The following MPP2 variants were observed in gnomAD, a reference collection of about 807,000 sequenced individuals.
The protein encoded by MPP2 is MAGUK p55 scaffold protein 2.
MPP2 carries 42 observed loss-of-function variants against 58.5 expected under a neutral mutation model. The observed-to-expected ratio is 0.72, with a 90% confidence interval of 0.56 to 0.93. The LOEUF (loss-of-function observed/expected upper bound fraction) is 0.93, where lower values mean the gene tolerates loss of function less well. Among genes scored for constraint, MPP2 ranks in the 40% least tolerant of loss-of-function variants. MPP2 has a pLI of 0.00. For synonymous variants in MPP2, 300 were observed against 307.8 expected (o/e 0.97, Z 0.26); for missense variants, 632 against 760.4 (o/e 0.83, Z 1.99).
intron 2 of MPP2, chr17:43,900,674 C>G (rs1449280351): frequency 2.8e-6 from 4 of 1,412,352 alleles, no homozygotes; most frequent in Non-Finnish European, 3.7e-6. Flanking sequence ...GAGGAACCAG[C>G]CAATGGGAAG....
intron 2 of MPP2, chr17:43,900,691 C>A: frequency 7.3e-7 from 1 of 1,375,044 alleles, no homozygotes; most frequent in Non-Finnish European, 9.5e-7. Context: ...GAAGGCTCAG[C>A]CGCCGTGACC....
chr17:43,886,339 C>T (rs2047369445), intron 3 of MPP2, among the ~76,000 whole-genome samples: 1 of 151,538 alleles, frequency 6.6e-6, no homozygotes. Context: ...GGATGGAGTG[C>T]AGTGGCGCGA....
chr17:43,886,815 G>A (rs915531448), intron 3 of MPP2, among the ~76,000 whole-genome samples: 1 of 152,138 alleles, frequency 6.6e-6, no homozygotes, highest in Admixed American at 6.5e-5. Context: ...TGCTTATTAT[G>A]AGTAAAGTCA....
At position 43,881,519 on chromosome 17, in the gene MPP2, A is replaced by C. The variant is rs757103925; in HGVS notation, c.752T>G (p.Leu251Arg). The C allele has an allele frequency of 3.7e-6, 6 of 1,614,010 alleles. No individual in the cohort carries two copies. Among genetic ancestry groups the C allele is most frequent in the Non-Finnish European group, 5.1e-6 (6 of 1,179,982 alleles). Residue 251 changes from leucine (L) to arginine (R), a missense_variant, in exon 7 of 13, where the codon CTG (leucine) becomes CGG (arginine). Coordinates refer to ENST00000269095, the MANE Select transcript of MPP2 (RefSeq NM_005374.5). ...GAGCAAGTCCCCGGCGTTGAAGCGC[A>C]GGCCTGCTTCCTTGCAGGGGATGAG... ...DSLIPCKEAG[L>R]RFNAGDLLQI...
At chr17:43,908,102 G>A (rs574832432), upstream of MPP2, among the ~76,000 whole-genome samples, 1 of 152,296 alleles carries the variant, frequency 6.6e-6, no homozygotes, top group South Asian at 2.1e-4. Flanking sequence ...AAGGATTCGA[G>A]AGCCTCTTTT....
chr17:43,903,524 G>A (rs1021815301), intron 2 of MPP2, among the ~76,000 whole-genome samples: 2 of 150,702 alleles, frequency 1.3e-5, no homozygotes, highest in Non-Finnish European at 3.0e-5. Context: ...TTGTCTTTAC[G>A]AAAAATACAA....
Position 43,881,506 on chromosome 17 carries a change from G to A in MPP2, c.765C>T (p.Ala255=), listed in dbSNP as rs76420928. 40 of 1,614,054 alleles carry A rather than the reference G, an allele frequency of 2.5e-5. No individual in the cohort carries two copies. In the East Asian group the frequency reaches 3.3e-4, roughly 13 times the overall value. Reference sequence around the variant, plus strand: ...GGTTTACGATCTGGAGCAAGTCCCCGGCGTTGAAGCGCAGGCCTGCTTCCT... The same window carrying A: ...GGTTTACGATCTGGAGCAAGTCCCCAGCGTTGAAGCGCAGGCCTGCTTCCT... The part of the protein sequence containing the change: ...PCKEAGLRFN[A]GDLLQIVNQD... Residue 255 remains alanine, a synonymous_variant, in exon 7 of 13, where the codon GCC becomes GCT. Transcript: ENST00000269095.
chr17:43,898,469 C>A, intron 2 of MPP2, 89 bp from the exon 3 acceptor site: 1 of 875,600 alleles, frequency 1.1e-6, no homozygotes, highest in South Asian at 1.5e-5. Context: ...CTTCCCCACC[C>A]CCATGTCCCA....
chr17:43,901,606 G>GTTGGATGT (rs1425735013), intron 2 of MPP2: 1 of 984,558 alleles, frequency 1.0e-6, no homozygotes, highest in Non-Finnish European at 1.2e-6. Flanking sequence ...TACACACCAG[G>GTTGGATGT]ACAGTAACCC....
chr17:43,894,444 T>TATATATATATATATAC (rs1437854675), intron 3 of MPP2, among the ~76,000 whole-genome samples: 3 of 81,274 alleles, frequency 3.7e-5, no homozygotes, highest in African/African-American at 1.3e-4. Context: ...TATATATATA[T>TATATATATATATATAC]ACACACACAC....
At position 43,879,893 on chromosome 17, in the gene MPP2, C is replaced by A. The variant is rs778521192; in HGVS notation, c.1242G>T (p.Gly414=). 1 of 1,614,064 alleles carries A rather than the reference C, an allele frequency of 6.2e-7. No homozygotes were observed. Among genetic ancestry groups the A allele is most frequent in the South Asian group, 1.1e-5 (1 of 91,086 alleles). ...RGEMEADVRA[G]RYLEHGEYEG... is the part of the protein sequence containing the mutation. ...CGTATTCGCCATGCTCCAGGTAGCG[C>A]CCAGCACGGACGTCAGCCTCCATCT... Residue 414 remains glycine (G), a synonymous_variant, in exon 11 of 13, where the codon GGG becomes GGT. Transcript: ENST00000269095. This position sits in a 1 kb window ranked among gnomAD's most constrained non-coding sequence, Gnocchi z 4.1.
intron 2 of MPP2, chr17:43,900,715 G>A: frequency 7.7e-7 from 1 of 1,301,374 alleles, no homozygotes; most frequent in Non-Finnish European, 1.0e-6. Flanking sequence ...TTGCTGATTG[G>A]CTAAAGCCCT....
chr17:43,879,500 T>C lies in MPP2; in HGVS notation c.1354-97A>G. 1.3e-6 allele frequency: 2 copies of C among 1,485,934 alleles called. No individual in the cohort carries two copies. Among genetic ancestry groups the C allele is most frequent in the South Asian group, 2.4e-5 (2 of 81,822 alleles). 92.0% of individuals were successfully genotyped at this position (1,485,934 alleles called of 1,614,324 possible). ...GGTAACTGGGGTTGGGGTGAGCACT[T>C]GGGAGTGGATGAGAAAAGGGTGCCC... On this transcript the variant is annotated intron_variant, in intron 11 of 12. Coordinates refer to ENST00000269095, the MANE Select transcript of MPP2 (RefSeq NM_005374.5). The surrounding 1 kb of genome is among the most constrained non-coding windows in gnomAD (Gnocchi z 4.1).
chr17:43,882,355 G>A lies in MPP2; in HGVS notation c.610C>T (p.Leu204=). The A allele has an allele frequency of 3.1e-6, 5 of 1,612,476 alleles. No homozygotes were observed. Among genetic ancestry groups the A allele is most frequent in the Non-Finnish European group, 4.2e-6 (5 of 1,179,954 alleles). The stretch of plus-strand genomic sequence containing the variant: ...ATGACACTGCCACTGGCATTGCGCA[G>A]GAGCTCCTGCAGTGCGCGGGGGTCA... ...GSDPRALQEL[L]RNASGSVILK... The change falls in exon 6 of 13, where the codon CTG becomes TTG. Residue 204 remains leucine, a synonymous_variant. Transcript: ENST00000269095.
At position 43,880,097 on chromosome 17, in the gene MPP2, T is replaced by C. The variant is rs2047041333; in HGVS notation, c.1151-113A>G. On this transcript the variant is annotated intron_variant, in intron 10 of 12. Coordinates refer to ENST00000269095, the MANE Select transcript of MPP2 (RefSeq NM_005374.5). The surrounding 1 kb of genome is among the most constrained non-coding windows in gnomAD (Gnocchi z 5.2). ...GTTTCCCAGCCTTGGAGGTGCAGTC[T>C]GCTCCCCATCTTGCCAGCACTGCTG... The C allele has an allele frequency of 3.0e-6, 3 of 986,388 alleles. No individual in the cohort carries two copies. The highest frequency in any genetic ancestry group is 3.2e-5 in the African/African-American group (2 of 62,578). The allele number at this position is 986,388 out of a possible 1,614,324, so 61.1% of individuals were successfully genotyped here. A position where few individuals can be genotyped will look rare whatever the true frequency, so the allele number is the denominator to read the frequency against.
intron 3 of MPP2, among the ~76,000 whole-genome samples, chr17:43,893,899 G>A (rs1227156605): frequency 6.6e-6 from 1 of 152,098 alleles, no homozygotes. Flanking sequence ...TACTTAGGTC[G>A]ATAGCTGTAC....
Position 43,879,489 on chromosome 17 carries a change from G to T in MPP2, c.1354-86C>A. 1 of 1,555,830 alleles carries T rather than the reference G, an allele frequency of 6.4e-7. No individual in the cohort carries two copies. Among genetic ancestry groups the T allele is most frequent in the South Asian group, 1.2e-5 (1 of 85,788 alleles). ...AAGGCTGTGAGGGTAACTGGGGTTG[G>T]GGTGAGCACTTGGGAGTGGATGAGA... On this transcript the variant is annotated intron_variant, in intron 11 of 12. Coordinates refer to ENST00000269095, the MANE Select transcript of MPP2 (RefSeq NM_005374.5). The surrounding 1 kb of genome is among the most constrained non-coding windows in gnomAD (Gnocchi z 4.1).
chr17:43,907,322 G>T, intron 1 of MPP2, 152 bp downstream of exon 1: 3 of 985,694 alleles, frequency 3.0e-6, no homozygotes, highest in Non-Finnish European at 3.6e-6. Flanking sequence ...GGGCCCAGGG[G>T]CGGGGGCGGG....
chr17:43,893,670 C>T (rs1030154088), intron 3 of MPP2, among the ~76,000 whole-genome samples: 3 of 152,176 alleles, frequency 2.0e-5, no homozygotes, highest in Non-Finnish European at 4.4e-5. Context: ...GTGAACTGCA[C>T]GTGCCAGGGA....
Sources: gnomAD v4.1 joint callset for allele counts (sites outside exome capture counted in the v4.1 genomes callset) on GRCh38, gnomAD v4.1.1 for gene constraint, Gnocchi (gnomAD v3.1) non-coding constraint, MANE v1.5 for transcripts, NCBI Gene and HGNC (gene_info 2026-07-23, HGNC 2026-07-21) for gene names.